The following MTA3 variants were observed in gnomAD, a reference collection of about 807,000 sequenced individuals.
MTA3 encodes metastasis-associated protein MTA3.
A neutral mutation model predicts 83.5 loss-of-function variants in MTA3; 34 were observed. The observed-to-expected ratio is 0.41, with a 90% CI of 0.31 to 0.54. The LOEUF (loss-of-function observed/expected upper bound fraction) is 0.54. MTA3 is among the 20% of genes least tolerant of loss of function. The pLI, the probability that MTA3 is intolerant of heterozygous loss-of-function variation, is 0.33. For synonymous variants in MTA3, 303 were observed against 252.7 expected, an observed-to-expected ratio of 1.20 and a Z score of -1.89; for missense variants, 761 against 726.4, an observed-to-expected ratio of 1.05 and a Z score of -0.55.
chr2:42,593,012 G>A lies in MTA3; in HGVS notation c.190+13812G>A, dbSNP rs1270199290. Among the ~76,000 whole-genome samples, 8 of 152,074 alleles carry A rather than the reference G, an allele frequency of 5.3e-5. No individual in the cohort carries two copies. The East Asian group carries it at 1.4e-3, about 26-fold the overall frequency. ...CTAAAAAATAACAAAAGTTAGCTGG[G>A]TGTGGTGGCATGGGCCTGTAATCGC... is the stretch of plus-strand genomic sequence containing the variant. On this transcript the variant is annotated intron_variant, in intron 3 of 16. Coordinates refer to ENST00000405094, the MANE Select transcript of MTA3 (RefSeq NM_001330442.2).
At chr2:42,616,572 C>CTTTTTTTTTTTTTTTTT (rs70963338) in intron 4 of MTA3, among the ~76,000 whole-genome samples, 3 of 56,218 alleles carry the variant, frequency 5.3e-5, no homozygotes, top group African/African-American at 7.4e-5. Flanking sequence ...TCTTCTTCTT[C>CTTTTTTTTTTTTTTTTT]TTTTTTTTTT....
intron 2 of MTA3, among the ~76,000 whole-genome samples, chr2:42,575,560 T>TA (rs35207640): frequency 0.011 from 1,635 of 147,858 alleles, 18 homozygotes; most frequent in African/African-American, 0.027. Flanking sequence ...GCAAGGGTGA[T>TA]AAAAAAAAAA....
chr2:42,639,979 A>C (rs964743923), intron 4 of MTA3, among the ~76,000 whole-genome samples, 194 bp from the exon 5 acceptor site: 1 of 152,176 alleles, frequency 6.6e-6, no homozygotes, highest in African/African-American at 2.4e-5. Context: ...AGAAATGCCT[A>C]TAAAGACAGC....
At chr2:42,577,361 A>G (rs114384812) in intron 2 of MTA3, among the ~76,000 whole-genome samples, 2,685 of 151,874 alleles carry the variant, frequency 0.018, 36 homozygotes, top group Middle Eastern at 0.065. Flanking sequence ...ATTTATTTTG[A>G]ACTATGCTCC....
At chr2:42,749,084 G>A (rs1401264769) in intron 16 of MTA3, among the ~76,000 whole-genome samples, 3 of 152,138 alleles carry the variant, frequency 2.0e-5, no homozygotes, top group South Asian at 2.1e-4. Flanking sequence ...GTTTTCCATC[G>A]GGCTCCTGGG....
chr2:42,713,184 C>G (rs1666763400), intron 14 of MTA3, among the ~76,000 whole-genome samples: 1 of 152,288 alleles, frequency 6.6e-6, no homozygotes, highest in Admixed American at 6.5e-5. Flanking sequence ...GGGCTGATAA[C>G]ATACCAGACT....
chr2:42,534,589 C>CT (rs1281148604), intron 2 of MTA3, among the ~76,000 whole-genome samples: 1 of 140,088 alleles, frequency 7.1e-6, no homozygotes, highest in Non-Finnish European at 1.6e-5. Context: ...GAGTGAAACT[C>CT]TAAAAAAAAG....
chr2:42,616,572 CT>C (rs70963338), intron 4 of MTA3, among the ~76,000 whole-genome samples: 118 of 56,212 alleles, frequency 2.1e-3, no homozygotes, highest in African/African-American at 6.3e-3. Context: ...TCTTCTTCTT[CT>C]TTTTTTTTTT....
intron 11 of MTA3, among the ~76,000 whole-genome samples, chr2:42,699,720 G>A (rs979490864): frequency 1.2e-4 from 18 of 152,176 alleles, no homozygotes; most frequent in African/African-American, 4.1e-4. Context: ...AGAAACTGTG[G>A]CAGAGAATCA....
chr2:42,529,152 A>T (rs1156817485), intron 2 of MTA3, among the ~76,000 whole-genome samples: 1 of 152,156 alleles, frequency 6.6e-6, no homozygotes, highest in Non-Finnish European at 1.5e-5. Flanking sequence ...GGAGCCATTT[A>T]AAAAAACAAT....
chr2:42,747,293 C>A lies in MTA3; in HGVS notation c.1760-6081C>A, dbSNP rs577008432. On this transcript the variant is annotated intron_variant, in intron 16 of 16. Transcript: ENST00000405094. The stretch of plus-strand genomic sequence containing the variant: ...GGGATTACAGGTGTGAGCCACTGCG[C>A]CTGGCCCCCTGTTCAGATTCTTCTT... Among the ~76,000 whole-genome samples the A allele has an allele frequency of 5.2e-4, 79 of 152,262 alleles. 1 individual carries two copies. In the South Asian group the frequency reaches 0.011, roughly 22 times the overall value.
chr2:42,749,916 C>T (rs186613665), intron 16 of MTA3, among the ~76,000 whole-genome samples: 8 of 152,314 alleles, frequency 5.3e-5, no homozygotes. Flanking sequence ...GAAAAAACAA[C>T]ATACTATGTA....
intron 4 of MTA3, among the ~76,000 whole-genome samples, chr2:42,634,950 T>C (rs1041880391): frequency 3.3e-5 from 5 of 152,236 alleles, no homozygotes; most frequent in African/African-American, 1.2e-4. Flanking sequence ...TTATGTATTC[T>C]TTCTTGTATA....
chr2:42,575,054 A>T (rs1400861978), intron 2 of MTA3, among the ~76,000 whole-genome samples: 1 of 152,128 alleles, frequency 6.6e-6, no homozygotes, highest in Non-Finnish European at 1.5e-5. Flanking sequence ...AGAAATCTTG[A>T]CCTATGAGAC....
At chr2:42,548,369 G>C (rs1676857553) in intron 2 of MTA3, among the ~76,000 whole-genome samples, 1 of 152,130 alleles carries the variant, frequency 6.6e-6, no homozygotes, top group Non-Finnish European at 1.5e-5. Flanking sequence ...AGGAGGCTGA[G>C]GCACAAGAAT....
At chr2:42,630,825 T>C (rs1319636804) in intron 4 of MTA3, among the ~76,000 whole-genome samples, 2 of 152,202 alleles carry the variant, frequency 1.3e-5, no homozygotes, top group Non-Finnish European at 2.9e-5. Context: ...TATTTCTCCA[T>C]TGGTCAAAGC....
chr2:42,592,876 T>C (rs1681199041), intron 3 of MTA3, among the ~76,000 whole-genome samples: 1 of 152,038 alleles, frequency 6.6e-6, no homozygotes. Context: ...ATAGGCCAGG[T>C]GCGGTGGCTC....
intron 16 of MTA3, among the ~76,000 whole-genome samples, chr2:42,727,404 C>T (rs376480746): frequency 6.6e-6 from 1 of 152,220 alleles, no homozygotes; most frequent in East Asian, 1.9e-4. Context: ...CCAGTCCCAT[C>T]TCCTCCACTG....
At chr2:42,638,504 G>A (rs1573420619) in intron 4 of MTA3, among the ~76,000 whole-genome samples, 1 of 151,604 alleles carries the variant, frequency 6.6e-6, no homozygotes, top group East Asian at 1.9e-4. Context: ...TCCCCCAACC[G>A]CGAGTAGCTG....
Sources: allele counts gnomAD v4.1 joint callset (sites outside exome capture counted in the v4.1 genomes callset), GRCh38; gene constraint gnomAD v4.1.1; transcripts MANE v1.5; gene names NCBI Gene and HGNC (gene_info 2026-07-23, HGNC 2026-07-21).